GLI3: variants seen among roughly 807,000 people sequenced by gnomAD.
GLI3 encodes transcription activator GLI3.
In GLI3, 20 loss-of-function variants were observed where a neutral mutation model predicts 100.8. The observed-to-expected ratio is 0.20, with a 90% confidence interval of 0.14 to 0.29. The LOEUF (loss-of-function observed/expected upper bound fraction) is 0.29, where lower values mean the gene tolerates loss of function less well. Ranked by LOEUF, GLI3 falls within the 10% of genes least tolerant of loss-of-function variation. The probability of loss-of-function intolerance (pLI) is 1.00; values close to 1 mark genes in which losing one functional copy is unlikely to be tolerated. For synonymous variants in GLI3, 938 were observed against 860.5 expected, an observed-to-expected ratio of 1.09 and a Z score of -1.58; for missense variants, 2,040 against 2,128.5, an observed-to-expected ratio of 0.96 and a Z score of 0.82.
intron 3 of GLI3, among the ~76,000 whole-genome samples, chr7:42,095,628 C>G (rs35149910): frequency 0.14 from 21,142 of 151,984 alleles, 1,834 homozygotes; most frequent in Admixed American, 0.28. Flanking sequence ...AAGGTTCTGG[C>G]CCAGGTGAGT....
chr7:42,147,111 G>T (rs1413026608), intron 3 of GLI3, among the ~76,000 whole-genome samples: 1 of 152,076 alleles, frequency 6.6e-6, no homozygotes, highest in Non-Finnish European at 1.5e-5. Flanking sequence ...TAATCTGGTT[G>T]GGGGGGAGGT....
chr7:42,183,137 T>C (rs1483291941), intron 2 of GLI3, among the ~76,000 whole-genome samples: 6 of 151,974 alleles, frequency 3.9e-5, no homozygotes, highest in Non-Finnish European at 8.8e-5. Context: ...GGCATGAGAA[T>C]CGCTTGAACC....
At chr7:42,040,009 A>C (rs778394678) in intron 7 of GLI3, 29 bp downstream of exon 7, 4 of 1,543,702 alleles carry the variant, frequency 2.6e-6, no homozygotes, top group Non-Finnish European at 3.6e-6. Context: ...CATTTAAAAA[A>C]CACATAATGG....
chr7:42,182,618 T>G (rs1787615002), intron 2 of GLI3, among the ~76,000 whole-genome samples: 1 of 124,120 alleles, frequency 8.1e-6, no homozygotes. Context: ...AAAAACACAT[T>G]TTTATATGCA....
At chr7:41,999,182 A>G (rs867262387) in intron 10 of GLI3, among the ~76,000 whole-genome samples, 2 of 152,286 alleles carry the variant, frequency 1.3e-5, no homozygotes, top group African/African-American at 4.8e-5. Flanking sequence ...AAAAACTACT[A>G]AGAAAAAAAA....
chr7:42,019,016 T>C (rs186442718), intron 10 of GLI3, among the ~76,000 whole-genome samples: 5 of 152,320 alleles, frequency 3.3e-5, no homozygotes, highest in African/African-American at 9.6e-5. Context: ...ATCATTTGAC[T>C]TTTTAAAGAC....
chr7:42,201,951 G>A (rs756113162), intron 2 of GLI3, among the ~76,000 whole-genome samples: 36 of 151,820 alleles, frequency 2.4e-4, no homozygotes, highest in Non-Finnish European at 3.7e-4. Context: ...GCATGGTGGC[G>A]TGCGCCTGTA....
At chr7:41,984,426 T>C (rs1379273686) in intron 10 of GLI3, among the ~76,000 whole-genome samples, 1 of 152,098 alleles carries the variant, frequency 6.6e-6, no homozygotes, top group African/African-American at 2.4e-5. Context: ...CAATTCCCAC[T>C]CAGAAACACA....
At chr7:42,033,453 G>A (rs1041514698) in intron 7 of GLI3, among the ~76,000 whole-genome samples, 3 of 152,170 alleles carry the variant, frequency 2.0e-5, no homozygotes, top group Admixed American at 6.5e-5. Flanking sequence ...ACTACAGGCC[G>A]AAGAAGAATC....
At chr7:42,182,637 T>C (rs1374633524) in intron 2 of GLI3, among the ~76,000 whole-genome samples, 8 of 68,392 alleles carry the variant, frequency 1.2e-4, no homozygotes, top group Admixed American at 1.7e-4. Context: ...CATATGTATA[T>C]GTGTGTGTAT....
At chr7:42,130,468 A>T (rs888485024) in intron 3 of GLI3, among the ~76,000 whole-genome samples, 5 of 152,250 alleles carry the variant, frequency 3.3e-5, no homozygotes, top group African/African-American at 1.2e-4. Flanking sequence ...GTTAAGAAGA[A>T]GTTTCAATAA....
chr7:41,997,549 G>A (rs192812317), intron 10 of GLI3, among the ~76,000 whole-genome samples: 11 of 152,336 alleles, frequency 7.2e-5, no homozygotes, highest in Admixed American at 3.9e-4. Flanking sequence ...AAGTGTCCAA[G>A]TAATAGAAAT....
intron 10 of GLI3, among the ~76,000 whole-genome samples, chr7:41,983,089 A>C (rs1787719796): frequency 6.6e-6 from 1 of 152,256 alleles, no homozygotes; most frequent in South Asian, 2.1e-4. Context: ...AAAGTCTAAA[A>C]ACCATTCTTA....
chr7:42,096,184 A>G (rs540000114), intron 3 of GLI3, among the ~76,000 whole-genome samples: 1 of 152,304 alleles, frequency 6.6e-6, no homozygotes, highest in South Asian at 2.1e-4. Flanking sequence ...CCAAGGCCAG[A>G]AGTGCTGTGT....
intron 2 of GLI3, among the ~76,000 whole-genome samples, chr7:42,168,891 C>A (rs1787302590): frequency 6.6e-6 from 1 of 152,042 alleles, no homozygotes; most frequent in Non-Finnish European, 1.5e-5. Context: ...GCACTCCAGT[C>A]TGGACAATGA....
At chr7:42,251,105 C>T (rs548969110) in intron 1 of GLI3, among the ~76,000 whole-genome samples, 1 of 152,318 alleles carries the variant, frequency 6.6e-6, no homozygotes, top group South Asian at 2.1e-4. Flanking sequence ...ACAAAAGTGA[C>T]CATGCCCTTG....
intron 3 of GLI3, among the ~76,000 whole-genome samples, chr7:42,126,951 A>G (rs891465115): frequency 6.6e-6 from 1 of 152,192 alleles, no homozygotes; most frequent in Non-Finnish European, 1.5e-5. Flanking sequence ...GAAAAACCCA[A>G]TGACGAGCGT....
At chr7:42,235,413 A>G (rs1788769978) in intron 1 of GLI3, among the ~76,000 whole-genome samples, 1 of 152,212 alleles carries the variant, frequency 6.6e-6, no homozygotes, top group African/African-American at 2.4e-5. Flanking sequence ...AGCTCATTTC[A>G]GACGGCCAGG....
At chr7:42,203,416 T>C (rs1042347489) in intron 2 of GLI3, among the ~76,000 whole-genome samples, 2 of 152,146 alleles carry the variant, frequency 1.3e-5, no homozygotes, top group African/African-American at 4.8e-5. Context: ...ATCCTCTGGT[T>C]ACCTACTACC....
Sources: gnomAD v4.1 joint callset for allele counts (sites outside exome capture counted in the v4.1 genomes callset) on GRCh38, gnomAD v4.1.1 for gene constraint, MANE v1.5 for transcripts, NCBI Gene and HGNC (gene_info 2026-07-23, HGNC 2026-07-21) for gene names.